SNRPN: variants seen among roughly 807,000 people sequenced by gnomAD.
SNRPN encodes small nuclear ribonucleoprotein polypeptide N, also known as small nuclear ribonucleoprotein-associated protein N.
A neutral mutation model predicts 25.2 loss-of-function variants in SNRPN; 7 were observed. The ratio of observed to expected loss-of-function variants is 0.28; its 90% CI spans 0.16 to 0.52. The LOEUF (loss-of-function observed/expected upper bound fraction) is 0.52. Among genes scored for constraint, SNRPN ranks in the 20% least tolerant of loss-of-function variants. SNRPN has a pLI of 0.96. For synonymous variants in SNRPN, 124 were observed against 110.6 expected, an observed-to-expected ratio of 1.12 and a Z score of -0.76; for missense variants, 196 against 322.5, an observed-to-expected ratio of 0.61 and a Z score of 3.00.
chr15:24,924,102 C>A (rs1420293065), intron 3 of SNRPN, among the ~76,000 whole-genome samples: 1 of 151,136 alleles, frequency 6.6e-6, no homozygotes, highest in African/African-American at 2.4e-5. Context: ...CCTCTACTTT[C>A]TGAGAATTCA....
At chr15:24,958,866 G>A (rs2074312711) in intron 1 of SNRPN, 1 of 154,236 alleles carries the variant, frequency 6.5e-6, no homozygotes, top group African/African-American at 2.4e-5. Flanking sequence ...GTACAGGCTT[G>A]AGGTACTGTG....
At chr15:24,840,093 C>T (rs1024013281) in intron 2 of SNRPN, among the ~76,000 whole-genome samples, 3 of 152,190 alleles carry the variant, frequency 2.0e-5, no homozygotes, top group East Asian at 1.9e-4. Flanking sequence ...CGTGGTGGCT[C>T]ATGCCTGTAA....
At chr15:24,913,621 G>C (rs890652529) in intron 2 of SNRPN, among the ~76,000 whole-genome samples, 1 of 151,852 alleles carries the variant, frequency 6.6e-6, no homozygotes, top group African/African-American at 2.4e-5. Flanking sequence ...ACTTCAGCCT[G>C]GGTGACATAG....
chr15:24,937,360 A>T (rs2061299631), intron 3 of SNRPN, among the ~76,000 whole-genome samples: 2 of 152,140 alleles, frequency 1.3e-5, no homozygotes, highest in South Asian at 4.1e-4. Context: ...AACAAAACAA[A>T]AAAAACGAAA....
chr15:24,878,716 T>C (rs1197141486), intron 1 of SNRPN, among the ~76,000 whole-genome samples: 2 of 152,212 alleles, frequency 1.3e-5, no homozygotes, highest in Non-Finnish European at 2.9e-5. Flanking sequence ...CCAGTAATTG[T>C]ATATCCTTCC....
chr15:24,960,112 A>T (rs563457467), intron 1 of SNRPN, among the ~76,000 whole-genome samples: 72 of 152,044 alleles, frequency 4.7e-4, no homozygotes, highest in Admixed American at 1.4e-3. Flanking sequence ...TATAAATACA[A>T]AAATTAGCTG....
intron 1 of SNRPN, among the ~76,000 whole-genome samples, chr15:24,857,375 A>AT (rs1174932705): frequency 6.6e-6 from 1 of 151,678 alleles, no homozygotes; most frequent in African/African-American, 2.4e-5. Flanking sequence ...ATAGATATAT[A>AT]TTTTTTTCTT....
chr15:24,975,417 G>T lies in SNRPN; in HGVS notation c.63G>T (p.Leu21=). 6.2e-7 allele frequency: 1 copy of T among 1,613,268 alleles called. No homozygotes were observed. Among genetic ancestry groups the T allele is most frequent in the Non-Finnish European group, 8.5e-7 (1 of 1,179,256 alleles). The change falls in exon 5 of 10, where the codon CTG becomes CTT. Residue 21 remains leucine (L), a synonymous_variant. Transcript: ENST00000390687. Reference sequence around the variant, plus strand: ...TTGACTATAGAATGAGATGTATCCTGCAAGATGGCCGAATCTTCATTGGCA... The same window carrying T: ...TTGACTATAGAATGAGATGTATCCTTCAAGATGGCCGAATCTTCATTGGCA... The part of the protein sequence containing the change: ...QHIDYRMRCI[L]QDGRIFIGTF...
chr15:24,901,071 G>T (rs1433789553), intron 2 of SNRPN, among the ~76,000 whole-genome samples: 1 of 152,108 alleles, frequency 6.6e-6, no homozygotes, highest in East Asian at 1.9e-4. Flanking sequence ...AGTCCAGCCT[G>T]GGCAACAGAG....
intron 3 of SNRPN, among the ~76,000 whole-genome samples, chr15:24,926,503 TG>T (rs1023874210): frequency 6.6e-6 from 1 of 152,176 alleles, no homozygotes; most frequent in African/African-American, 2.4e-5. Flanking sequence ...CTTGTATCCC[TG>T]CTTCTTCACC....
intron 1 of SNRPN, among the ~76,000 whole-genome samples, chr15:24,961,691 C>A (rs534762339): frequency 6.6e-6 from 1 of 152,168 alleles, no homozygotes; most frequent in East Asian, 1.9e-4. Context: ...TTCTATTCCA[C>A]TATATAAGTA....
chr15:24,931,314 T>C (rs1317715881), intron 3 of SNRPN, among the ~76,000 whole-genome samples: 1 of 152,174 alleles, frequency 6.6e-6, no homozygotes, highest in Non-Finnish European at 1.5e-5. Context: ...AAACAAAAGC[T>C]GGGTATTAGT....
intron 3 of SNRPN, among the ~76,000 whole-genome samples, chr15:24,970,328 C>T (rs1596304418): frequency 6.6e-6 from 1 of 152,190 alleles, no homozygotes. Flanking sequence ...GCCTGTCATC[C>T]TAGCACTTGG....
At chr15:24,925,424 A>G (rs1022360519) in intron 3 of SNRPN, among the ~76,000 whole-genome samples, 56 of 152,142 alleles carry the variant, frequency 3.7e-4, no homozygotes, top group African/African-American at 1.3e-3. Context: ...AGCCTGGGTA[A>G]CAAAGCAAGA....
chr15:24,860,825 C>T (rs2053921992), intron 1 of SNRPN, among the ~76,000 whole-genome samples: 1 of 152,118 alleles, frequency 6.6e-6, no homozygotes, highest in African/African-American at 2.4e-5. Context: ...TGAATCATAG[C>T]AAGTGAGGAA....
intron 3 of SNRPN, among the ~76,000 whole-genome samples, chr15:24,947,643 A>G (rs978774411): frequency 6.6e-6 from 1 of 152,176 alleles, no homozygotes; most frequent in African/African-American, 2.4e-5. Flanking sequence ...GAAAAAAACC[A>G]AAACAGAAAA....
intron 1 of SNRPN, among the ~76,000 whole-genome samples, chr15:24,867,388 TG>T (rs71127006): frequency 0.31 from 46,365 of 147,196 alleles, 8,140 homozygotes; most frequent in African/African-American, 0.48. Flanking sequence ...TTTTTTTTTT[TG>T]GGGGGGACGG....
At chr15:24,841,799 A>G (rs1208853904) in intron 2 of SNRPN, among the ~76,000 whole-genome samples, 5 of 152,004 alleles carry the variant, frequency 3.3e-5, no homozygotes, top group South Asian at 2.1e-4. Context: ...AGTTCCTCTC[A>G]TGCCTCAGGG....
At chr15:24,844,851 T>G (rs1255433403) in intron 2 of SNRPN, among the ~76,000 whole-genome samples, 1 of 152,178 alleles carries the variant, frequency 6.6e-6, no homozygotes, top group African/African-American at 2.4e-5. Flanking sequence ...ATTTTGTGCT[T>G]AATATTTATT....
Sources: gnomAD v4.1 joint callset for allele counts (sites outside exome capture counted in the v4.1 genomes callset) on GRCh38, gnomAD v4.1.1 for gene constraint, MANE v1.5 for transcripts, NCBI Gene and HGNC (gene_info 2026-07-23, HGNC 2026-07-21) for gene names.